The following NFATC2 variants were observed in gnomAD, a reference collection of about 807,000 sequenced individuals.
NFATC2 encodes nuclear factor of activated T-cells, cytoplasmic 2.
Under a neutral mutation model 87.3 loss-of-function variants are expected in NFATC2, and 22 were observed. That is an observed-to-expected ratio of 0.25 (90% CI 0.18 to 0.36). NFATC2 has a LOEUF of 0.36. NFATC2 is among the 10% of genes least tolerant of loss of function. The pLI is 1.00. For missense variants in NFATC2, 1,149 were observed against 1,259.1 expected, an observed-to-expected ratio of 0.91 and a Z score of 1.32; for synonymous variants, 565 against 542.2, an observed-to-expected ratio of 1.04 and a Z score of -0.58.
chr20:51,475,670 G>T lies in NFATC2; in HGVS notation c.1333-10C>A. ...CCATGTAGCCATGGAGCTGGTGGGG[G>T]AGAAAACAAAATCATTAAGGTGCGG... On this transcript the variant is annotated splice_polypyrimidine_tract_variant and intron_variant, in intron 3 of 10. Coordinates refer to ENST00000371564, the MANE Select transcript of NFATC2 (RefSeq NM_012340.5). The T allele has an allele frequency of 6.2e-7, 1 of 1,613,812 alleles. No individual in the cohort carries two copies. Among genetic ancestry groups the T allele is most frequent in the South Asian group, 1.1e-5 (1 of 91,024 alleles).
At chr20:51,412,115 TAC>T (rs1600681620) in intron 9 of NFATC2, among the ~76,000 whole-genome samples, 1 of 152,158 alleles carries the variant, frequency 6.6e-6, no homozygotes, top group East Asian at 1.9e-4. Context: ...CTTCCAGCCT[TAC>T]AGAGGGGACC....
chr20:51,450,543 G>A (rs1254979234), intron 6 of NFATC2, among the ~76,000 whole-genome samples: 1 of 152,210 alleles, frequency 6.6e-6, no homozygotes, highest in Non-Finnish European at 1.5e-5. Flanking sequence ...TGAGCACTAA[G>A]TGCATGCTGC....
At chr20:51,540,248 G>A (rs1228738696) in intron 1 of NFATC2, among the ~76,000 whole-genome samples, 2 of 152,186 alleles carry the variant, frequency 1.3e-5, no homozygotes, top group South Asian at 2.1e-4. Context: ...CCTGACCTCA[G>A]GTGATCCGCC....
chr20:51,404,869 C>T (rs759234598), intron 9 of NFATC2, among the ~76,000 whole-genome samples: 11 of 152,182 alleles, frequency 7.2e-5, no homozygotes, highest in African/African-American at 1.2e-4. Context: ...CAGAGGCCTC[C>T]GGAAACCAGC....
chr20:51,429,338 G>A (rs2146329470), intron 9 of NFATC2, among the ~76,000 whole-genome samples: 1 of 152,358 alleles, frequency 6.6e-6, no homozygotes, highest in Non-Finnish European at 1.5e-5. Context: ...GGCCGGTGGA[G>A]CACTGAACAT....
intron 3 of NFATC2, among the ~76,000 whole-genome samples, chr20:51,514,606 C>T (rs1442847334): frequency 6.6e-6 from 1 of 152,176 alleles, no homozygotes; most frequent in African/African-American, 2.4e-5. Context: ...GGCACGGTGG[C>T]TCACGCCTAT....
Position 51,516,895 on chromosome 20 carries a change from A to G in NFATC2, c.1221T>C (p.Ser407=). 6.2e-7 allele frequency: 1 copy of G among 1,614,208 alleles called. No individual in the cohort carries two copies. Among genetic ancestry groups the G allele is most frequent in the Non-Finnish European group, 8.5e-7 (1 of 1,180,030 alleles). ...LEWPLSSQSG[S]YELRIEVQPK... ...GCTGCACCTCGATCCGCAGCTCGTA[A>G]GAGCCTGACTGACTGGACAGCGGCC... The change falls in exon 3 of 11, where the codon TCT becomes TCC. Residue 407 remains serine (S), a synonymous_variant. Coordinates refer to ENST00000371564, the MANE Select transcript of NFATC2 (RefSeq NM_012340.5).
intron 3 of NFATC2, among the ~76,000 whole-genome samples, chr20:51,510,885 C>T (rs1386470703): frequency 6.6e-6 from 1 of 152,156 alleles, no homozygotes; most frequent in East Asian, 1.9e-4. Context: ...AATATAACCT[C>T]TCTCTTATCT....
chr20:51,438,216 G>A (rs1435780032), intron 6 of NFATC2, among the ~76,000 whole-genome samples: 1 of 152,144 alleles, frequency 6.6e-6, no homozygotes, highest in Non-Finnish European at 1.5e-5. Flanking sequence ...CACCAGGAGC[G>A]TGACTGTACA....
chr20:51,522,280 G>A (rs1484075148), intron 2 of NFATC2, among the ~76,000 whole-genome samples: 4 of 150,860 alleles, frequency 2.7e-5, no homozygotes, highest in Admixed American at 2.6e-4. Context: ...GTACAAAAGC[G>A]GGGCGGGGGG....
chr20:51,392,288 A>T (rs531851316), intron 10 of NFATC2, among the ~76,000 whole-genome samples: 36 of 152,320 alleles, frequency 2.4e-4, no homozygotes, highest in Non-Finnish European at 3.2e-4. Flanking sequence ...CAGTTGAAGG[A>T]TCATGTGCCA....
intron 5 of NFATC2, among the ~76,000 whole-genome samples, chr20:51,463,379 G>A (rs1403410717): frequency 1.3e-5 from 2 of 152,214 alleles, no homozygotes; most frequent in African/African-American, 4.8e-5. Flanking sequence ...CCTCGGTGGC[G>A]GGGGGCCTCA....
intron 10 of NFATC2, among the ~76,000 whole-genome samples, chr20:51,396,680 G>C (rs958953951): frequency 1.3e-5 from 2 of 152,196 alleles, no homozygotes; most frequent in Non-Finnish European, 2.9e-5. Context: ...TGAGAGCCAA[G>C]AGGGGGCCCA....
At chr20:51,477,490 AAT>A (rs773344899) in intron 3 of NFATC2, among the ~76,000 whole-genome samples, 1 of 142,670 alleles carries the variant, frequency 7.0e-6, no homozygotes, top group African/African-American at 2.6e-5. Flanking sequence ...AAATATTTAA[AAT>A]ATATATATAT....
intron 2 of NFATC2, among the ~76,000 whole-genome samples, chr20:51,517,824 T>C (rs62229856): frequency 0.076 from 11,417 of 150,796 alleles, 650 homozygotes; most frequent in African/African-American, 0.16. Flanking sequence ...GGCTGAGGCA[T>C]GAGAATCACT....
Position 51,432,496 on chromosome 20 carries a change from A to G in NFATC2, c.2293T>C (p.Tyr765His). Residue 765 changes from tyrosine (Y) to histidine (H), a missense_variant, in exon 9 of 11, where the codon TAT (tyrosine) becomes CAT (histidine). Tyr to His is a moderately conservative substitution (Grantham distance 83, BLOSUM62 2). This residue lies in a region of NFATC2 where 581 missense variants were observed against 649.7 expected (regional missense o/e 0.89). Transcript: ENST00000371564. This position sits in a 1 kb window ranked among gnomAD's most constrained non-coding sequence, Gnocchi z 4.6. ...SKSLSPSLLG[Y>H]QQPALMAAPL... ...GCGGCCATGAGGGCCGGCTGCTGAT[A>G]GCCCAGCAGGCTGGGGCTCAGGCTC... 2 of 1,554,936 alleles carry G rather than the reference A, an allele frequency of 1.3e-6. No homozygotes were observed. The highest frequency in any genetic ancestry group is 2.4e-5 in the South Asian group (2 of 81,926).
chr20:51,535,114 C>G (rs1306152788), intron 1 of NFATC2, among the ~76,000 whole-genome samples: 1 of 152,178 alleles, frequency 6.6e-6, no homozygotes, highest in Non-Finnish European at 1.5e-5. Context: ...AGAGTGGCTT[C>G]CTCACCAAAA....
intron 3 of NFATC2, among the ~76,000 whole-genome samples, chr20:51,483,910 C>T (rs942843443): frequency 6.6e-6 from 1 of 152,042 alleles, no homozygotes; most frequent in Non-Finnish European, 1.5e-5. Context: ...TCCACCTACA[C>T]ACAGTCTTCT....
chr20:51,485,169 A>G (rs1356160090), intron 3 of NFATC2, among the ~76,000 whole-genome samples: 1 of 152,252 alleles, frequency 6.6e-6, no homozygotes, highest in Non-Finnish European at 1.5e-5. Context: ...AGGAAGCCCT[A>G]GAAACCAGTG....
Sources: gnomAD v4.1 joint callset for allele counts (sites outside exome capture counted in the v4.1 genomes callset) on GRCh38, gnomAD v4.1.1 for gene constraint, gnomAD v4.1.1 regional missense constraint, Gnocchi (gnomAD v3.1) non-coding constraint, MANE v1.5 for transcripts, NCBI Gene and HGNC (gene_info 2026-07-23, HGNC 2026-07-21) for gene names.